LMNB1: variants seen among roughly 807,000 people sequenced by gnomAD.
LMNB1 encodes the protein lamin-B1.
A neutral mutation model predicts 67.1 loss-of-function variants in LMNB1; 23 were observed. That is an observed-to-expected ratio of 0.34 (90% confidence interval 0.25 to 0.49). LMNB1 has a LOEUF of 0.49. Ranked by LOEUF, LMNB1 falls within the 20% of genes least tolerant of loss-of-function variation. LMNB1 has a pLI of 0.99. For missense variants in LMNB1, 634 were observed against 746.5 expected (o/e 0.85, Z 1.76); for synonymous variants, 281 against 282.9 (o/e 0.99, Z 0.07).
chr5:126,801,978 G>A (rs1766520615), intron 1 of LMNB1, among the ~76,000 whole-genome samples: 1 of 152,194 alleles, frequency 6.6e-6, no homozygotes, highest in South Asian at 2.1e-4. Flanking sequence ...GTTTTATAGT[G>A]GGGCAAAATA....
intron 7 of LMNB1, among the ~76,000 whole-genome samples, chr5:126,821,926 AT>A (rs1294684292): frequency 6.6e-6 from 1 of 152,096 alleles, no homozygotes; most frequent in Non-Finnish European, 1.5e-5. Context: ...ATGTGGATGA[AT>A]ATGTAATTTG....
intron 5 of LMNB1, among the ~76,000 whole-genome samples, chr5:126,813,605 G>C (rs1219702097): frequency 6.6e-6 from 1 of 152,174 alleles, no homozygotes; most frequent in African/African-American, 2.4e-5. Context: ...TGGAGGCTGG[G>C]AAGTCCAAGA....
intron 1 of LMNB1, among the ~76,000 whole-genome samples, chr5:126,780,405 C>T (rs571496180): frequency 6.6e-6 from 1 of 152,228 alleles, no homozygotes; most frequent in East Asian, 1.9e-4. Flanking sequence ...AGGAGTTAGC[C>T]ACAGGAGGTT....
intron 7 of LMNB1, among the ~76,000 whole-genome samples, chr5:126,822,399 C>T (rs1751891608): frequency 6.6e-6 from 1 of 152,170 alleles, no homozygotes; most frequent in Admixed American, 6.5e-5. Context: ...TGTTTCTAAG[C>T]TTATGTGTCT....
At chr5:126,793,540 G>A (rs776316172) in intron 1 of LMNB1, among the ~76,000 whole-genome samples, 1 of 152,128 alleles carries the variant, frequency 6.6e-6, no homozygotes. Context: ...CATCTTCTTA[G>A]TCTTTTTGCA....
At chr5:126,834,651 C>T (rs1458842380) in intron 10 of LMNB1, among the ~76,000 whole-genome samples, 1 of 152,130 alleles carries the variant, frequency 6.6e-6, no homozygotes, top group Non-Finnish European at 1.5e-5. Context: ...GGGAGGCAGG[C>T]AGATCACAAG....
At chr5:126,808,975 A>G (rs894337222) in intron 3 of LMNB1, among the ~76,000 whole-genome samples, 1 of 151,944 alleles carries the variant, frequency 6.6e-6, no homozygotes, top group African/African-American at 2.4e-5. Flanking sequence ...TCCCAGGTTC[A>G]AGTGATTCTC....
chr5:126,807,893 A>G (rs1019074078), intron 3 of LMNB1, among the ~76,000 whole-genome samples: 6 of 79,836 alleles, frequency 7.5e-5, no homozygotes, highest in Non-Finnish European at 1.2e-4. Flanking sequence ...CTTTTTGGAG[A>G]CAGAGTCCTG....
intron 9 of LMNB1, among the ~76,000 whole-genome samples, chr5:126,831,941 A>G (rs934611027): frequency 1.3e-5 from 2 of 152,164 alleles, no homozygotes; most frequent in African/African-American, 4.8e-5. Flanking sequence ...AGTTACTGAT[A>G]TACAGCTCCC....
intron 1 of LMNB1, among the ~76,000 whole-genome samples, chr5:126,778,600 A>G (rs907196): frequency 1.3e-4 from 19 of 151,968 alleles, no homozygotes; most frequent in African/African-American, 4.1e-4. Flanking sequence ...CCCAGCGGGG[A>G]TGGTGCGGTC....
chr5:126,810,442 G>GT, intron 4 of LMNB1, 92 bp downstream of exon 4: 2 of 1,064,648 alleles, frequency 1.9e-6, no homozygotes, highest in Non-Finnish European at 1.3e-6. Context: ...TTTTGTTCTA[G>GT]TTTTTAAAAA....
chr5:126,818,868 G>C, intron 5 of LMNB1, 54 bp from the exon 6 acceptor site: 1 of 1,219,152 alleles, frequency 8.2e-7, no homozygotes, highest in South Asian at 1.2e-5. Flanking sequence ...ATAGCTGCCT[G>C]GTGCTAATGT....
At chr5:126,821,983 A>G (rs1751881428) in intron 7 of LMNB1, among the ~76,000 whole-genome samples, 1 of 151,462 alleles carries the variant, frequency 6.6e-6, no homozygotes, top group Non-Finnish European at 1.5e-5. Context: ...TTAATGCTAA[A>G]GAGAATAGGC....
At chr5:126,815,539 C>A (rs1335358275) in intron 5 of LMNB1, among the ~76,000 whole-genome samples, 1 of 152,140 alleles carries the variant, frequency 6.6e-6, no homozygotes, top group East Asian at 1.9e-4. Flanking sequence ...CCTTAATAAA[C>A]CAGTACAATT....
At position 126,787,547 on chromosome 5, in the gene LMNB1, T is replaced by TATA. The variant is rs869071732; in HGVS notation, c.359+9680_359+9681insATA. 2.3e-3 allele frequency among the ~76,000 whole-genome samples: 86 copies of TATA among 37,462 alleles called. 1 individual carries two copies. The highest frequency in any genetic ancestry group is 3.6e-3 in the Non-Finnish European group (58 of 16,246). The allele number at this position is 37,462 out of a possible 152,430, so 24.6% of individuals were successfully genotyped here. On this transcript the variant is annotated intron_variant, in intron 1 of 10. Coordinates refer to ENST00000261366, the MANE Select transcript of LMNB1 (RefSeq NM_005573.4). ...GGGTATATATATATATATATATATA[T>TATA]TTTTTTTTTTTTTTTTTGAGATAGA...
chr5:126,820,480 G>A (rs1182002459), intron 6 of LMNB1, among the ~76,000 whole-genome samples: 1 of 152,134 alleles, frequency 6.6e-6, no homozygotes, highest in South Asian at 2.1e-4. Context: ...CTAACAGATT[G>A]TAAGTAATAT....
At chr5:126,793,780 A>G (rs910621157) in intron 1 of LMNB1, among the ~76,000 whole-genome samples, 1 of 152,068 alleles carries the variant, frequency 6.6e-6, no homozygotes, top group African/African-American at 2.4e-5. Context: ...GGAGGCTGAG[A>G]CAGGAGAATC....
chr5:126,802,525 C>T (rs1420065022), intron 1 of LMNB1, among the ~76,000 whole-genome samples: 1 of 152,176 alleles, frequency 6.6e-6, no homozygotes, highest in Admixed American at 6.5e-5. Context: ...CTCACTGCAA[C>T]CTCTACCTCC....
At position 126,819,014 on chromosome 5, in the gene LMNB1, A is replaced by C; in HGVS notation, c.1032A>C (p.Arg344Ser). The change falls in exon 6 of 11, where the codon AGA becomes AGC. Residue 344 changes from arginine to serine, a missense_variant. Physicochemically the swap from Arg to Ser is moderately radical, Grantham distance 110 (BLOSUM62 -1). Coordinates refer to ENST00000261366, the MANE Select transcript of LMNB1 (RefSeq NM_005573.4). ...NSRRMLTDKE[R>S]EMAEIRDQMQ... ...GTCGCATGCTGACAGACAAAGAGAG[A>C]GAGATGGCGGAAATAAGGGATCAAA... 1 of 1,614,156 alleles carries C rather than the reference A, an allele frequency of 6.2e-7. No individual in the cohort carries two copies. The highest frequency in any genetic ancestry group is 8.5e-7 in the Non-Finnish European group (1 of 1,179,996).
Sources: gnomAD v4.1 joint callset for allele counts (sites outside exome capture counted in the v4.1 genomes callset) on GRCh38, gnomAD v4.1.1 for gene constraint, MANE v1.5 for transcripts, NCBI Gene and HGNC (gene_info 2026-07-23, HGNC 2026-07-21) for gene names.